Variants in BABAM2 observed in about 807,000 individuals in gnomAD.
The protein encoded by BABAM2 is BRISC and BRCA1 A complex member 2, also known as BRISC and BRCA1-A complex member 2.
In BABAM2, 31 loss-of-function variants were observed where a neutral mutation model predicts 54.7. The observed-to-expected ratio is 0.57, with a 90% CI of 0.43 to 0.77. BABAM2 has a LOEUF of 0.77. Among genes scored for constraint, BABAM2 ranks in the 30% least tolerant of loss-of-function variants. The pLI is 0.00. For missense variants in BABAM2, 364 were observed against 455.8 expected (o/e 0.80, Z 1.83); for synonymous variants, 167 against 162.9 (o/e 1.03, Z -0.19).
chr2:27,955,376 G>A (rs1198301788), intron 3 of BABAM2, among the ~76,000 whole-genome samples: 1 of 152,154 alleles, frequency 6.6e-6, no homozygotes. Context: ...CCTAAGGCCA[G>A]GAAGCACACT....
chr2:27,998,634 T>C (rs1473020294), intron 4 of BABAM2, among the ~76,000 whole-genome samples: 1 of 152,214 alleles, frequency 6.6e-6, no homozygotes, highest in African/African-American at 2.4e-5. Flanking sequence ...GTCCTTTTTC[T>C]TTATTTTTGT....
At chr2:28,068,841 A>C (rs995944358) in intron 6 of BABAM2, among the ~76,000 whole-genome samples, 1 of 152,206 alleles carries the variant, frequency 6.6e-6, no homozygotes, top group Non-Finnish European at 1.5e-5. Flanking sequence ...AACTAGGTTG[A>C]TAAAAACTAA....
At chr2:28,165,563 CTTGCTCT>C (rs984077514) in intron 7 of BABAM2, among the ~76,000 whole-genome samples, 1 of 125,320 alleles carries the variant, frequency 8.0e-6, no homozygotes, top group African/African-American at 3.1e-5. Context: ...GAGACAGAGC[CTTGCTCT>C]GTCACCCAGG....
intron 6 of BABAM2, among the ~76,000 whole-genome samples, chr2:28,051,115 G>A (rs2148621194): frequency 6.6e-6 from 1 of 152,280 alleles, no homozygotes; most frequent in East Asian, 1.9e-4. Context: ...CAGTGTTACT[G>A]TTAGTCTCCT....
At chr2:28,296,637 C>T (rs1687713672) in intron 10 of BABAM2, among the ~76,000 whole-genome samples, 1 of 152,124 alleles carries the variant, frequency 6.6e-6, no homozygotes, top group African/African-American at 2.4e-5. Context: ...AGTTGAATGT[C>T]ACCCCAGACT....
At chr2:28,071,197 A>G (rs1664107999) in intron 6 of BABAM2, among the ~76,000 whole-genome samples, 1 of 152,176 alleles carries the variant, frequency 6.6e-6, no homozygotes. Context: ...CTGCCCCTCA[A>G]CTATGGTTGA....
chr2:28,278,298 C>G (rs569082947), intron 10 of BABAM2, among the ~76,000 whole-genome samples: 89 of 152,168 alleles, frequency 5.8e-4, no homozygotes, highest in African/African-American at 2.0e-3. Context: ...GTGGAAGAAG[C>G]TGGGGTTTGA....
At chr2:28,236,878 T>G (rs986407530) in intron 7 of BABAM2, among the ~76,000 whole-genome samples, 2 of 152,198 alleles carry the variant, frequency 1.3e-5, no homozygotes, top group African/African-American at 4.8e-5. Flanking sequence ...AGCAAAGAAT[T>G]GGGCATAATG....
Position 27,894,675 on chromosome 2 carries a change from T to C in BABAM2, c.119T>C (p.Leu40Ser), listed in dbSNP as rs200380663. ...ACAAACTGTTTGAGGATAACTGACT[T>C]AAAATCTGGGTATGTACCAGAATGA... ...DATNCLRITD[L>S]KSGCTSLTPG... The change falls in exon 2 of 12, where the codon TTA becomes TCA. Residue 40 changes from leucine (L) to serine (S), a missense_variant. Transcript: ENST00000379624. 1.2e-6 allele frequency: 2 copies of C among 1,614,142 alleles called. No individual in the cohort carries two copies. Among genetic ancestry groups the C allele is most frequent in the Non-Finnish European group, 1.7e-6 (2 of 1,180,000 alleles).
At chr2:28,155,716 A>C (rs1672484516) in intron 7 of BABAM2, among the ~76,000 whole-genome samples, 1 of 152,154 alleles carries the variant, frequency 6.6e-6, no homozygotes, top group South Asian at 2.1e-4. Context: ...AAAAGGAGAG[A>C]CAGTGAGAAA....
At chr2:28,150,765 G>A (rs993245735) in intron 7 of BABAM2, among the ~76,000 whole-genome samples, 2 of 152,174 alleles carry the variant, frequency 1.3e-5, no homozygotes, top group Non-Finnish European at 2.9e-5. Flanking sequence ...CAGGTGACCC[G>A]AGGCTGGTAA....
chr2:27,976,622 A>T (rs1671625917), intron 3 of BABAM2, among the ~76,000 whole-genome samples: 1 of 152,194 alleles, frequency 6.6e-6, no homozygotes, highest in South Asian at 2.1e-4. Context: ...ATTGTTCTGT[A>T]TCCTAATTTT....
intron 6 of BABAM2, among the ~76,000 whole-genome samples, chr2:28,093,387 T>C (rs958355458): frequency 4.6e-5 from 7 of 152,166 alleles, no homozygotes; most frequent in Admixed American, 4.6e-4. Context: ...GATCTGAACT[T>C]GTGTCTTTTT....
At chr2:28,213,051 T>C (rs1033645990) in intron 7 of BABAM2, among the ~76,000 whole-genome samples, 2 of 152,188 alleles carry the variant, frequency 1.3e-5, no homozygotes, top group Admixed American at 1.3e-4. Flanking sequence ...AGTGAGACCC[T>C]GTCTCTACAA....
chr2:27,890,070 A>G (rs1008145662), upstream of BABAM2: 11 of 565,054 alleles, frequency 1.9e-5, no homozygotes, highest in Non-Finnish European at 3.2e-5. The surrounding 1 kb of genome is among the most constrained non-coding windows in gnomAD (Gnocchi z 4.8). Flanking sequence ...CCTGAGATTT[A>G]CCTTTATATA....
At chr2:28,050,036 T>C (rs1274416515) in intron 6 of BABAM2, among the ~76,000 whole-genome samples, 1 of 152,040 alleles carries the variant, frequency 6.6e-6, no homozygotes, top group African/African-American at 2.4e-5. Context: ...CAATAGGAAA[T>C]GGTAGGGACT....
At chr2:28,295,761 T>C (rs1389361049) in intron 10 of BABAM2, among the ~76,000 whole-genome samples, 1 of 151,984 alleles carries the variant, frequency 6.6e-6, no homozygotes, top group Non-Finnish European at 1.5e-5. Flanking sequence ...CCTCCCAAAG[T>C]ACTGGGATTA....
intron 7 of BABAM2, among the ~76,000 whole-genome samples, chr2:28,227,250 G>T (rs748682461): frequency 6.6e-6 from 1 of 151,892 alleles, no homozygotes; most frequent in Non-Finnish European, 1.5e-5. Flanking sequence ...ATCGCATCAG[G>T]ATCTATCCCT....
At chr2:28,318,898 A>G (rs1412178740) in intron 11 of BABAM2, among the ~76,000 whole-genome samples, 1 of 152,178 alleles carries the variant, frequency 6.6e-6, no homozygotes, top group Non-Finnish European at 1.5e-5. Flanking sequence ...AGGGAGCCAA[A>G]TGCTGTCCTG....
Sources: gnomAD v4.1 joint callset for allele counts (sites outside exome capture counted in the v4.1 genomes callset) on GRCh38, gnomAD v4.1.1 for gene constraint, Gnocchi (gnomAD v3.1) non-coding constraint, MANE v1.5 for transcripts, NCBI Gene and HGNC (gene_info 2026-07-23, HGNC 2026-07-21) for gene names.